MAP1A: variants seen among roughly 807,000 people sequenced by gnomAD.
The protein encoded by MAP1A is microtubule-associated protein 1A.
MAP1A carries 42 observed loss-of-function variants against 185.9 expected under a neutral mutation model. The observed-to-expected ratio is 0.23, with a 90% CI of 0.18 to 0.29. The LOEUF (loss-of-function observed/expected upper bound fraction) is 0.29. Ranked by LOEUF, MAP1A falls within the 10% of genes least tolerant of loss-of-function variation. MAP1A has a pLI of 1.00. For missense variants in MAP1A, 2,995 were observed against 3,450.4 expected (o/e 0.87, Z 3.31); for synonymous variants, 1,229 against 1,335.9 (o/e 0.92, Z 1.74).
rs571878577 is a variant in MAP1A at position 43,527,246 on chromosome 15, C to T, written c.5773C>T (p.Pro1925Ser). 6.2e-7 allele frequency: 1 copy of T among 1,614,102 alleles called. No individual in the cohort carries two copies. The highest frequency in any genetic ancestry group is 1.7e-5 in the Admixed American group (1 of 60,020). Residue 1925 changes from proline (P) to serine (S), a missense_variant, in exon 4 of 6, where the codon CCT becomes TCT. Pro to Ser is a moderately conservative substitution (Grantham distance 74). Transcript: ENST00000300231. The stretch of plus-strand genomic sequence containing the variant: ...GGAAGAAGAAGGTAGGGCTGAGGCT[C>T]CTGACAAAAGCTCACACAGCTCAAA... The part of the protein sequence containing the change: ...EREEEGRAEA[P>S]DKSSHSSKVP...
chr15:43,522,708 T>G lies in MAP1A; in HGVS notation c.1235T>G (p.Leu412Arg). Residue 412 changes from leucine (L) to arginine (R), a missense_variant, in exon 4 of 6, where the codon CTG (leucine) becomes CGG (arginine). Physicochemically the swap from Leu to Arg is moderately radical, Grantham distance 102. This residue lies in a region of MAP1A where 2,728 missense variants were observed against 2,986.0 expected (regional missense o/e 0.91). Coordinates refer to ENST00000300231, the MANE Select transcript of MAP1A (RefSeq NM_002373.6). The surrounding 1 kb of genome is among the most constrained non-coding windows in gnomAD (Gnocchi z 5.9). ...KKHLKEKISKLEEKKDKEKKE... is the reference protein window; with the variant it reads ...KKHLKEKISKREEKKDKEKKE... Reference sequence around the variant, plus strand: ...CACCTTAAAGAAAAGATATCAAAGCTGGAAGAAAAAAAAGACAAGGAGAAA... The same window carrying G: ...CACCTTAAAGAAAAGATATCAAAGCGGGAAGAAAAAAAAGACAAGGAGAAA... 6.3e-7 allele frequency: 1 copy of G among 1,586,046 alleles called. No individual in the cohort carries two copies. The highest frequency in any genetic ancestry group is 8.6e-7 in the Non-Finnish European group (1 of 1,168,876).
chr15:43,517,579 A>ACCCCCCTCCCCCCCCCCCCCCCCC (rs2079302444), upstream of MAP1A: 1 of 119,602 alleles, frequency 8.4e-6, no homozygotes, highest in Non-Finnish European at 1.8e-5. Context: ...CTCATCAAGC[A>ACCCCCCTCCCCCCCCCCCCCCCCC]CCCCCCTCCC....
Position 43,525,317 on chromosome 15 carries a change from G to A in MAP1A, c.3844G>A (p.Asp1282Asn), listed in dbSNP as rs1233808802. ...RYSAQTDITD[D>N]SLDRKSPASS... ...CTCTGCACAGACAGACATCACAGAT[G>A]ACAGCCTTGACAGGAAGTCACCTGC... The change falls in exon 4 of 6, where the codon GAC becomes AAC. Residue 1282 changes from aspartate (D) to asparagine (N), a missense_variant. This residue lies in a region of MAP1A where 2,728 missense variants were observed against 2,986.0 expected (regional missense o/e 0.91). Transcript: ENST00000300231. 9 of 1,614,006 alleles carry A rather than the reference G, an allele frequency of 5.6e-6. No individual in the cohort carries two copies. The highest frequency in any genetic ancestry group is 1.3e-5 in the African/African-American group (1 of 74,936).
At position 43,529,719 on chromosome 15, in the gene MAP1A, G is replaced by C. The variant is rs2079363566; in HGVS notation, c.8105G>C (p.Cys2702Ser). ...YVDLAYIPNH[C>S]SGKTADLDFF... ...GATCTCGCCTACATCCCGAATCATT[G>C]CAGTGGCAAGACTGCTGACCTTGAC... The change falls in exon 5 of 6, where the codon TGC (cysteine) becomes TCC (serine). Residue 2702 changes from cysteine (C) to serine (S), a missense_variant. Around this residue, in one of 3 missense-constraint regions of MAP1A, gnomAD observed 2,728 missense variants for 2,986.0 expected, o/e 0.91. Coordinates refer to ENST00000300231, the MANE Select transcript of MAP1A (RefSeq NM_002373.6). The surrounding 1 kb of genome is among the most constrained non-coding windows in gnomAD (Gnocchi z 4.3). 5 of 1,613,816 alleles carry C rather than the reference G, an allele frequency of 3.1e-6. No homozygotes were observed. The highest frequency in any genetic ancestry group is 4.2e-6 in the Non-Finnish European group (5 of 1,179,944).
Position 43,526,845 on chromosome 15 carries a change from C to T in MAP1A, c.5372C>T (p.Ser1791Phe), listed in dbSNP as rs765718416. Residue 1791 changes from serine to phenylalanine, a missense_variant, in exon 4 of 6, where the codon TCT (serine) becomes TTT (phenylalanine). Ser to Phe is a radical substitution (Grantham distance 155). Coordinates refer to ENST00000300231, the MANE Select transcript of MAP1A (RefSeq NM_002373.6). The surrounding 1 kb of genome is among the most constrained non-coding windows in gnomAD (Gnocchi z 4.7). ...PPEEEDKLTR[S>F]PFEIISPPAS... Reference sequence around the variant, plus strand: ...GAGGAAGAGGACAAACTGACCCGCTCTCCCTTTGAGATCATCTCCCCTCCA... The same window carrying T: ...GAGGAAGAGGACAAACTGACCCGCTTTCCCTTTGAGATCATCTCCCCTCCA... 6.2e-7 allele frequency: 1 copy of T among 1,614,168 alleles called. No individual in the cohort carries two copies. Among genetic ancestry groups the T allele is most frequent in the South Asian group, 1.1e-5 (1 of 91,088 alleles).
Position 43,518,715 on chromosome 15 carries a change from C to T in MAP1A, c.-375+1015C>T, listed in dbSNP as rs578214837. Among the ~76,000 whole-genome samples, 235 of 139,538 alleles carry T rather than the reference C, an allele frequency of 1.7e-3. 4 individuals are homozygous for T. Among genetic ancestry groups the T allele is most frequent in the Admixed American group, 6.2e-3 (89 of 14,436 alleles). The allele number at this position is 139,538 out of a possible 152,430, so 91.5% of individuals were successfully genotyped here. A position where few individuals can be genotyped will look rare whatever the true frequency, so the allele number is the denominator to read the frequency against. On this transcript the variant is annotated intron_variant, in intron 1 of 5. Coordinates refer to ENST00000300231, the MANE Select transcript of MAP1A (RefSeq NM_002373.6). ...GCCTCTGCACCGCAGCCCACCCCCC[C>T]CCGCAACTCCAGCACTGGCTGAGCA...
rs192954559 is a variant in MAP1A at position 43,512,360 on chromosome 15, G to A, written c.340+69G>A. 1.9e-4 allele frequency: 224 copies of A among 1,165,976 alleles called. 1 individual carries two copies. The East Asian group carries it at 5.3e-3, about 28-fold the overall frequency. The allele number at this position is 1,165,976 out of a possible 1,614,324, so 72.2% of individuals were successfully genotyped here. ...TCACAGAGGTCCAGTCTCCCTGGGA[G>A]AAGTGGCCTTGCGGGAGGTTTGAGT... On this transcript the variant is annotated intron_variant, in intron 2 of 6. Coordinates refer to the MAP1A transcript ENST00000382031.
In MAP1A at chr15:43,520,068, C is replaced by A. The variant is rs571657958; in HGVS notation, c.-374-573C>A. On this transcript the variant is annotated intron_variant, in intron 1 of 5. Coordinates refer to ENST00000300231, the MANE Select transcript of MAP1A (RefSeq NM_002373.6). ...TATGTCCATTCTTTGAATCATAAAACCCCAAAAATTTAGATAGCACAGGCT... is the reference window on the plus strand; with the variant it reads ...TATGTCCATTCTTTGAATCATAAAAACCCAAAAATTTAGATAGCACAGGCT... 5.3e-5 allele frequency among the ~76,000 whole-genome samples: 8 copies of A among 152,280 alleles called. No homozygotes were observed. The South Asian group carries it at 1.5e-3, about 28-fold the overall frequency.
exon 1 of MAP1A, chr15:43,511,010 G>A: frequency 6.5e-7 from 1 of 1,546,082 alleles, no homozygotes; most frequent in Non-Finnish European, 8.7e-7. Flanking sequence ...GGCCGAGCCT[G>A]CGCGGCCTCA....
chr15:43,523,824 T>C lies in MAP1A; in HGVS notation c.2351T>C (p.Phe784Ser). 1 of 1,614,036 alleles carries C rather than the reference T, an allele frequency of 6.2e-7. No homozygotes were observed. Among genetic ancestry groups the C allele is most frequent in the South Asian group, 1.1e-5 (1 of 91,080 alleles). Residue 784 changes from phenylalanine to serine, a missense_variant, in exon 4 of 6, where the codon TTC (phenylalanine) becomes TCC (serine). Transcript: ENST00000300231. ...DLPGPEGAGP[F>S]EASQPADSAV... ...CCCGGGCCTGAAGGTGCTGGCCCATTCGAAGCCAGCCAACCTGCCGATAGT... is the reference window on the plus strand; with the variant it reads ...CCCGGGCCTGAAGGTGCTGGCCCATCCGAAGCCAGCCAACCTGCCGATAGT...
rs763131003 is a variant in MAP1A at position 43,523,099 on chromosome 15, G to A, written c.1626G>A (p.Glu542=). Residue 542 remains glutamate, a synonymous_variant, in exon 4 of 6, where the codon GAG becomes GAA. Transcript: ENST00000300231. The part of the protein sequence containing the change: ...TQDFEEMKRE[E]RALLAEQRDT... ...ACTTTGAGGAGATGAAGCGTGAGGA[G>A]AGGGCTTTGCTGGCTGAACAAAGGG... 6 of 1,614,100 alleles carry A rather than the reference G, an allele frequency of 3.7e-6. No homozygotes were observed. In the East Asian group the frequency reaches 1.3e-4, roughly 36 times the overall value.
At position 43,527,813 on chromosome 15, in the gene MAP1A, G is replaced by A; in HGVS notation, c.6340G>A (p.Ala2114Thr). Reference sequence around the variant, plus strand: ...TAGTGACTCAGAACTGGAGAAGGGGGCTCGGGAACAGCCAGAAAAAGAGGC... The same window carrying A: ...TAGTGACTCAGAACTGGAGAAGGGGACTCGGGAACAGCCAGAAAAAGAGGC... ...STSDSELEKG[A>T]REQPEKEAQS... is the part of the protein sequence containing the mutation. The change falls in exon 4 of 6, where the codon GCT (alanine) becomes ACT (threonine). Residue 2114 changes from alanine (A) to threonine (T), a missense_variant. Physicochemically the swap from Ala to Thr is moderately conservative, Grantham distance 58. Transcript: ENST00000300231. The A allele has an allele frequency of 1.2e-6, 2 of 1,613,826 alleles. No homozygotes were observed. Among genetic ancestry groups the A allele is most frequent in the Non-Finnish European group, 1.7e-6 (2 of 1,179,852 alleles).
chr15:43,529,404 C>T lies in MAP1A; in HGVS notation c.7931C>T (p.Pro2644Leu). ...KGPADRASRA[P>L]PRPRSTTSQV... ...CCTGCAGATCGAGCATCCCGGGCCC[C>T]ACCTCGACCACGCAGCACCACAAGC... Residue 2644 changes from proline to leucine, a missense_variant, in exon 4 of 6, where the codon CCA becomes CTA. Physicochemically the swap from Pro to Leu is moderately conservative, Grantham distance 98 (BLOSUM62 -3). Transcript: ENST00000300231. This position sits in a 1 kb window ranked among gnomAD's most constrained non-coding sequence, Gnocchi z 4.3. 3 of 1,613,900 alleles carry T rather than the reference C, an allele frequency of 1.9e-6. No individual in the cohort carries two copies. The highest frequency in any genetic ancestry group is 1.7e-5 in the Admixed American group (1 of 60,018).
In MAP1A at chr15:43,522,838, G is replaced by A. The variant is rs930345481; in HGVS notation, c.1365G>A (p.Glu455=). 6.3e-7 allele frequency: 1 copy of A among 1,599,056 alleles called. No homozygotes were observed. Among genetic ancestry groups the A allele is most frequent in the Non-Finnish European group, 8.5e-7 (1 of 1,171,874 alleles). The change falls in exon 4 of 6, where the codon GAG becomes GAA. Residue 455 remains glutamate (E), a synonymous_variant. Transcript: ENST00000300231. This position sits in a 1 kb window ranked among gnomAD's most constrained non-coding sequence, Gnocchi z 5.9. ...KEEKRKDTKP[E]LKKISKPDLK... ...AGAAGAGGAAAGATACCAAACCTGA[G>A]CTCAAGAAGATTTCCAAGCCAGACC...
In MAP1A at chr15:43,524,126, G is replaced by A; in HGVS notation, c.2653G>A (p.Gly885Ser). The A allele has an allele frequency of 6.2e-7, 1 of 1,614,106 alleles. No individual in the cohort carries two copies. The highest frequency in any genetic ancestry group is 8.5e-7 in the Non-Finnish European group (1 of 1,180,012). ...IPSSRTEATQ[G>S]LDYVPSAGTI... ...TTCCTCCCGTACTGAAGCTACGCAG[G>A]GCTTGGACTATGTGCCATCAGCTGG... The change falls in exon 4 of 6, where the codon GGC becomes AGC. Residue 885 changes from glycine to serine, a missense_variant. By Grantham distance (56) the Gly-to-Ser change is moderately conservative (BLOSUM62 0). Coordinates refer to ENST00000300231, the MANE Select transcript of MAP1A (RefSeq NM_002373.6).
intron 1 of MAP1A, among the ~76,000 whole-genome samples, chr15:43,519,459 G>A (rs2079311370): frequency 6.6e-6 from 1 of 152,174 alleles, no homozygotes; most frequent in Non-Finnish European, 1.5e-5. Flanking sequence ...AGAGAGAGCT[G>A]GGTCACAGAA....
rs747146159 is a variant in MAP1A at position 43,527,841 on chromosome 15, A to C, written c.6368A>C (p.Gln2123Pro). ...CGGGAACAGCCAGAAAAAGAGGCCC[A>C]ATCCCCAAGTCCTCCTCACCCCATT... Reference protein sequence around the residue: ...GAREQPEKEAQSPSPPHPIPM... With the variant: ...GAREQPEKEAPSPSPPHPIPM... The change falls in exon 4 of 6, where the codon CAA (glutamine) becomes CCA (proline). Residue 2123 changes from glutamine (Q) to proline (P), a missense_variant. Coordinates refer to ENST00000300231, the MANE Select transcript of MAP1A (RefSeq NM_002373.6). 3 of 1,613,884 alleles carry C rather than the reference A, an allele frequency of 1.9e-6. No individual in the cohort carries two copies. Among genetic ancestry groups the C allele is most frequent in the African/African-American group, 1.3e-5 (1 of 74,910 alleles).
intron 2 of MAP1A, 102 bp downstream of exon 2, chr15:43,520,825 A>T: frequency 7.6e-7 from 1 of 1,313,794 alleles, no homozygotes; most frequent in Non-Finnish European, 1.1e-6. Flanking sequence ...TCTCTCTGCC[A>T]TCTAAGCTGA....
intron 2 of MAP1A, 113 bp downstream of exon 2, chr15:43,520,836 C>A: frequency 3.1e-6 from 4 of 1,299,134 alleles, no homozygotes; most frequent in Non-Finnish European, 4.3e-6. Flanking sequence ...TCTAAGCTGA[C>A]GTATTGTCTC....
Sources: allele counts gnomAD v4.1 joint callset (sites outside exome capture counted in the v4.1 genomes callset), GRCh38; gene constraint gnomAD v4.1.1; regional missense constraint gnomAD v4.1.1; non-coding constraint Gnocchi (gnomAD v3.1); transcripts MANE v1.5; gene names NCBI Gene and HGNC (gene_info 2026-07-23, HGNC 2026-07-21).